COL4A2: variants seen among roughly 807,000 people sequenced by gnomAD.
COL4A2 encodes collagen alpha-2(IV) chain.
In COL4A2, 99 loss-of-function variants were observed where a neutral mutation model predicts 200.2. The observed-to-expected ratio is 0.49, with a 90% CI of 0.42 to 0.58. The LOEUF is 0.58. Among genes scored for constraint, COL4A2 ranks in the 20% least tolerant of loss-of-function variants. COL4A2 has a pLI of 0.00. For synonymous variants in COL4A2, 897 were observed against 900.6 expected (o/e 1.00, Z 0.07); for missense variants, 1,950 against 2,314.1 (o/e 0.84, Z 3.23).
chr13:110,424,543 T>C (rs1372483923), intron 4 of COL4A2, among the ~76,000 whole-genome samples, 191 bp from the exon 5 acceptor site: 2 of 151,126 alleles, frequency 1.3e-5, no homozygotes, highest in African/African-American at 4.9e-5. Flanking sequence ...ATTCCATATT[T>C]TCTCTTCTTA....
chr13:110,397,575 A>G (rs1447681189), intron 4 of COL4A2, among the ~76,000 whole-genome samples: 1 of 152,174 alleles, frequency 6.6e-6, no homozygotes, highest in Non-Finnish European at 1.5e-5. Context: ...TTTTGGAGTA[A>G]ATCGAAACTG....
At chr13:110,458,567 G>A (rs1881871753) in intron 21 of COL4A2, among the ~76,000 whole-genome samples, 1 of 152,200 alleles carries the variant, frequency 6.6e-6, no homozygotes, top group Non-Finnish European at 1.5e-5. Context: ...TGAACCCCAT[G>A]AGACTATGAG....
intron 3 of COL4A2, among the ~76,000 whole-genome samples, chr13:110,336,007 G>A (rs372814081): frequency 6.6e-6 from 1 of 152,170 alleles, no homozygotes; most frequent in East Asian, 1.9e-4. Flanking sequence ...CCTGTGGATG[G>A]CCACTTCATT....
At chr13:110,483,082 C>T (rs540617302) in intron 32 of COL4A2, among the ~76,000 whole-genome samples, 16 of 152,294 alleles carry the variant, frequency 1.1e-4, no homozygotes, top group African/African-American at 3.4e-4. Flanking sequence ...CCAGAGAGAA[C>T]GTGGTCCACA....
chr13:110,324,519 G>GC (rs1380391319), intron 3 of COL4A2, among the ~76,000 whole-genome samples: 3 of 152,210 alleles, frequency 2.0e-5, no homozygotes, highest in African/African-American at 7.2e-5. Flanking sequence ...TGGACATGAA[G>GC]CCCCAGTCCT....
intron 34 of COL4A2, 140 bp downstream of exon 34, chr13:110,485,976 A>C: frequency 1.5e-6 from 2 of 1,366,124 alleles, no homozygotes; most frequent in Non-Finnish European, 2.0e-6. Flanking sequence ...GGTGGGGTCC[A>C]CACAGCCCTG....
chr13:110,479,603 G>A (rs4773193), intron 30 of COL4A2, among the ~76,000 whole-genome samples: 124,102 of 152,090 alleles, frequency 0.82, 50,695 homozygotes, highest in Middle Eastern at 0.9. Context: ...AGGAGTTGGA[G>A]CCCCGAGGCA....
chr13:110,436,387 C>T lies in COL4A2; in HGVS notation c.825+20C>T, dbSNP rs1303216642. 1.9e-6 allele frequency: 3 copies of T among 1,604,432 alleles called. No homozygotes were observed. In the African/African-American group the frequency reaches 4.0e-5, roughly 22 times the overall value. On this transcript the variant is annotated intron_variant, in intron 13 of 47. Transcript: ENST00000360467. ...TACAAGGTAAAGAGCAAAATTGACT[C>T]TTTTCATAGTTGAAATAAAAAAAGG... is the stretch of plus-strand genomic sequence containing the variant.
chr13:110,460,780 G>A (rs1265162285), intron 22 of COL4A2, among the ~76,000 whole-genome samples: 2 of 152,138 alleles, frequency 1.3e-5, no homozygotes, highest in African/African-American at 4.8e-5. Context: ...GTGGCAGGGC[G>A]CTTGAAGTGT....
At chr13:110,458,626 A>C in intron 21 of COL4A2, 145 bp from the exon 22 acceptor site, 1 of 910,542 alleles carries the variant, frequency 1.1e-6, no homozygotes, top group Non-Finnish European at 1.7e-6. Context: ...CATCTAAGAA[A>C]TGGGGGTCAT....
At chr13:110,382,330 T>A (rs1878521897) in intron 4 of COL4A2, among the ~76,000 whole-genome samples, 1 of 152,144 alleles carries the variant, frequency 6.6e-6, no homozygotes, top group African/African-American at 2.4e-5. Flanking sequence ...TTTAAAAGAC[T>A]TAGGGGAAAA....
intron 4 of COL4A2, among the ~76,000 whole-genome samples, chr13:110,360,613 A>G (rs895452443): frequency 6.6e-6 from 1 of 152,206 alleles, no homozygotes; most frequent in Non-Finnish European, 1.5e-5. Context: ...ATACTTTGCC[A>G]AGTAAAATGA....
At chr13:110,478,195 G>C in intron 30 of COL4A2, 31 bp downstream of exon 30, 1 of 1,520,174 alleles carries the variant, frequency 6.6e-7, no homozygotes, top group South Asian at 1.3e-5. Context: ...TAAACGAGTG[G>C]GGTCCTCACT....
rs1882560564 is a variant in COL4A2, at chr13:110,473,435, G to A, written c.2425+285G>A. 3 of 385,662 alleles carry A rather than the reference G, an allele frequency of 7.8e-6. No homozygotes were observed. The South Asian group carries it at 1.8e-4, about 23-fold the overall frequency. 23.9% of individuals were successfully genotyped at this position (385,662 alleles called of 1,614,324 possible). ...GTTGCATATGCCTGGCTGTGACAGG[G>A]GCCGTGACAGGCTCACTGTTTGTCT... On this transcript the variant is annotated intron_variant, in intron 29 of 47. Coordinates refer to ENST00000360467, the MANE Select transcript of COL4A2 (RefSeq NM_001846.4).
intron 4 of COL4A2, among the ~76,000 whole-genome samples, chr13:110,413,669 G>A (rs1187287492): frequency 6.6e-6 from 1 of 152,234 alleles, no homozygotes; most frequent in East Asian, 1.9e-4. Context: ...AAACGCAAAG[G>A]CTATGGCGGG....
chr13:110,338,108 T>C (rs1447547174), intron 3 of COL4A2, among the ~76,000 whole-genome samples: 1 of 152,196 alleles, frequency 6.6e-6, no homozygotes, highest in African/African-American at 2.4e-5. Context: ...TTAAATTAGA[T>C]CTTTCCGTGA....
At chr13:110,461,146 T>C (rs951067311) in intron 22 of COL4A2, among the ~76,000 whole-genome samples, 1 of 152,216 alleles carries the variant, frequency 6.6e-6, no homozygotes, top group Non-Finnish European at 1.5e-5. Context: ...GCAGGCAGCT[T>C]CTCTCTAAAG....
rs768466864 is a variant in COL4A2 at position 110,436,370 on chromosome 13, A to G, written c.825+3A>G. On this transcript the variant is annotated splice_donor_region_variant and intron_variant, in intron 13 of 47. Transcript: ENST00000360467. ...CCTTCCACCCAGATCAGTACAAGGT[A>G]AAGAGCAAAATTGACTCTTTTCATA... The G allele has an allele frequency of 1.2e-6, 2 of 1,606,668 alleles. No homozygotes were observed. Among genetic ancestry groups the G allele is most frequent in the South Asian group, 1.1e-5 (1 of 89,414 alleles).
chr13:110,362,166 A>C (rs918022255), intron 4 of COL4A2, among the ~76,000 whole-genome samples: 12 of 152,198 alleles, frequency 7.9e-5, no homozygotes, highest in Non-Finnish European at 2.9e-5. Flanking sequence ...TTAACTCTCT[A>C]ACCACTTCTT....
Sources: gnomAD v4.1 joint callset for allele counts (sites outside exome capture counted in the v4.1 genomes callset) on GRCh38, gnomAD v4.1.1 for gene constraint, MANE v1.5 for transcripts, NCBI Gene and HGNC (gene_info 2026-07-23, HGNC 2026-07-21) for gene names.